MED12L: variants seen among roughly 807,000 people sequenced by gnomAD.
The protein encoded by MED12L is mediator of RNA polymerase II transcription subunit 12-like protein.
A neutral mutation model predicts 281.3 loss-of-function variants in MED12L; 60 were observed. That is an observed-to-expected ratio of 0.21 (90% CI 0.17 to 0.26). MED12L has a LOEUF of 0.26. Ranked by LOEUF, MED12L falls within the 10% of genes least tolerant of loss-of-function variation. The probability of loss-of-function intolerance (pLI) is 1.00; values close to 1 mark genes in which losing one functional copy is unlikely to be tolerated. For synonymous variants in MED12L, 974 were observed against 987.2 expected (o/e 0.99, Z 0.25); for missense variants, 2,146 against 2,680.9 (o/e 0.80, Z 4.41).
intron 16 of MED12L, chr3:151,269,762 GTGA>G (rs1217428794): frequency 1.4e-5 from 6 of 424,922 alleles, no homozygotes; most frequent in Admixed American, 5.5e-5. Flanking sequence ...AATGAGAGTG[GTGA>G]TCTATTTTTA....
At chr3:151,280,560 C>T (rs1577220850) in intron 16 of MED12L, among the ~76,000 whole-genome samples, 1 of 152,102 alleles carries the variant, frequency 6.6e-6, no homozygotes, top group Admixed American at 6.6e-5. Context: ...GAATACCTTA[C>T]AAACCAGTGT....
intron 16 of MED12L, among the ~76,000 whole-genome samples, chr3:151,323,013 T>A (rs1268238721): frequency 6.6e-6 from 1 of 152,180 alleles, no homozygotes; most frequent in Non-Finnish European, 1.5e-5. Context: ...TCCACTTCTG[T>A]GATGATGACC....
At chr3:151,373,622 G>C (rs1226763649) in intron 27 of MED12L, among the ~76,000 whole-genome samples, 1 of 151,692 alleles carries the variant, frequency 6.6e-6, no homozygotes, top group African/African-American at 2.4e-5. Context: ...CTATTTTAAG[G>C]AAGAGCCTGC....
At chr3:151,258,326 T>A (rs1373039501) in intron 16 of MED12L, among the ~76,000 whole-genome samples, 1 of 152,364 alleles carries the variant, frequency 6.6e-6, no homozygotes, top group South Asian at 2.1e-4. Flanking sequence ...GTTTGTTGTC[T>A]TGTTGCTGAC....
In MED12L at chr3:151,416,448, A is replaced by G. The variant is rs376452081; in HGVS notation, c.6408+26A>G. 276 of 1,608,286 alleles carry G rather than the reference A, an allele frequency of 1.7e-4. 1 individual carries two copies. The African/African-American group carries it at 3.4e-3, about 20-fold the overall frequency. Reference sequence around the variant, plus strand: ...GTAAGGCCTGTTGTTTTGGAATCAGACATGTGGGTTTCTTCTTTAAAAGCA... The same window carrying G: ...GTAAGGCCTGTTGTTTTGGAATCAGGCATGTGGGTTTCTTCTTTAAAAGCA... On this transcript the variant is annotated intron_variant, in intron 43 of 44. Coordinates refer to ENST00000687756, the MANE Select transcript of MED12L (RefSeq NM_001393769.1).
At chr3:151,422,753 T>C (rs1050702787) in intron 43 of MED12L, among the ~76,000 whole-genome samples, 5 of 151,174 alleles carry the variant, frequency 3.3e-5, no homozygotes, top group African/African-American at 1.2e-4. Flanking sequence ...TGAGAGAAGT[T>C]TGGGAAGCCT....
At chr3:151,168,534 G>C (rs1294817111) in intron 11 of MED12L, among the ~76,000 whole-genome samples, 2 of 152,128 alleles carry the variant, frequency 1.3e-5, no homozygotes, top group Non-Finnish European at 2.9e-5. Context: ...TTCTGGAAGG[G>C]CCATCAGTGT....
At chr3:151,272,406 A>G (rs906558724) in intron 16 of MED12L, among the ~76,000 whole-genome samples, 13 of 152,116 alleles carry the variant, frequency 8.5e-5, no homozygotes, top group African/African-American at 3.1e-4. Flanking sequence ...TTTCCCATAT[A>G]TATGTATCAT....
At chr3:151,127,424 G>C (rs959912674) in intron 4 of MED12L, among the ~76,000 whole-genome samples, 1 of 152,136 alleles carries the variant, frequency 6.6e-6, no homozygotes, top group Non-Finnish European at 1.5e-5. Flanking sequence ...ATAGAGTAGG[G>C]ACAATTTTCA....
At chr3:151,257,956 T>G (rs1041760372) in intron 16 of MED12L, among the ~76,000 whole-genome samples, 1 of 152,342 alleles carries the variant, frequency 6.6e-6, no homozygotes, top group African/African-American at 2.4e-5. Flanking sequence ...CTTTTAGGCA[T>G]TTTGTAAATA....
chr3:151,107,075 G>A (rs915814096), intron 2 of MED12L, among the ~76,000 whole-genome samples: 11 of 134,198 alleles, frequency 8.2e-5, no homozygotes, highest in African/African-American at 3.2e-4. Flanking sequence ...TTTACTATTT[G>A]TTTTCTGTGT....
At chr3:151,153,491 A>T (rs1718840385) in intron 5 of MED12L, among the ~76,000 whole-genome samples, 2 of 141,746 alleles carry the variant, frequency 1.4e-5, no homozygotes, top group African/African-American at 2.7e-5. Flanking sequence ...CTTTCTTTGT[A>T]TTTTCTACCC....
At chr3:151,168,165 CTG>C (rs1323457603) in intron 11 of MED12L, among the ~76,000 whole-genome samples, 2 of 152,168 alleles carry the variant, frequency 1.3e-5, no homozygotes, top group African/African-American at 4.8e-5. Context: ...TGAAATCACA[CTG>C]TGAGGTTCTT....
chr3:151,187,309 C>G (rs1723413400), intron 12 of MED12L, among the ~76,000 whole-genome samples: 1 of 152,134 alleles, frequency 6.6e-6, no homozygotes, highest in Non-Finnish European at 1.5e-5. Flanking sequence ...TTTTTTTACA[C>G]TGCTTTTCTC....
At chr3:151,375,088 G>A (rs1482974712) in intron 27 of MED12L, among the ~76,000 whole-genome samples, 3 of 152,212 alleles carry the variant, frequency 2.0e-5, no homozygotes, top group Admixed American at 1.3e-4. Flanking sequence ...TTGTGTGTTG[G>A]TTCCCAACTG....
intron 16 of MED12L, among the ~76,000 whole-genome samples, chr3:151,253,177 A>G (rs1023306736): frequency 3.9e-5 from 6 of 152,202 alleles, no homozygotes; most frequent in African/African-American, 1.4e-4. Flanking sequence ...CTGTATAGTG[A>G]TATAAATGTC....
At chr3:151,320,545 T>G (rs1433786899) in intron 16 of MED12L, among the ~76,000 whole-genome samples, 1 of 152,224 alleles carries the variant, frequency 6.6e-6, no homozygotes, top group Non-Finnish European at 1.5e-5. Flanking sequence ...AAGATTGGTA[T>G]CATTGGGTCC....
chr3:151,268,454 G>T (rs1487331110), intron 16 of MED12L, among the ~76,000 whole-genome samples: 2 of 152,178 alleles, frequency 1.3e-5, no homozygotes, highest in Admixed American at 1.3e-4. Flanking sequence ...AATGAAACTG[G>T]ATTATCCCTG....
At position 151,192,341 on chromosome 3, in the gene MED12L, T is replaced by C. The variant is rs115388627; in HGVS notation, c.1969-209T>C. Among the ~76,000 whole-genome samples, 329 of 152,336 alleles carry C rather than the reference T, an allele frequency of 2.2e-3. 2 individuals carry two copies. The highest frequency in any genetic ancestry group is 7.7e-3 in the African/African-American group (320 of 41,578). On this transcript the variant is annotated intron_variant, in intron 14 of 44. Transcript: ENST00000687756. ...TGTGTGCTCTTCTCTTAAAATATCA[T>C]GGAAGTTAAATTTTCTCATGATGAG... is the stretch of plus-strand genomic sequence containing the variant.
Sources: allele counts gnomAD v4.1 joint callset (sites outside exome capture counted in the v4.1 genomes callset), GRCh38; gene constraint gnomAD v4.1.1; transcripts MANE v1.5; gene names NCBI Gene and HGNC (gene_info 2026-07-23, HGNC 2026-07-21).